Variants in ATG4D observed in about 807,000 individuals in gnomAD.
ATG4D encodes the protein cysteine protease ATG4D.
In ATG4D, 51 loss-of-function variants were observed where a neutral mutation model predicts 55.2. That is an observed-to-expected ratio of 0.92 (90% confidence interval 0.74 to 1.17). ATG4D has a LOEUF of 1.17. Among genes scored for constraint, ATG4D ranks in the 50% most tolerant of loss-of-function variants. The pLI, the probability that ATG4D is intolerant of heterozygous loss-of-function variation, is 0.00. For synonymous variants in ATG4D, 268 were observed against 266.2 expected (o/e 1.01, Z -0.07); for missense variants, 635 against 649.6 (o/e 0.98, Z 0.25).
At chr19:10,546,545 G>T (rs2144685379) in intron 3 of ATG4D, among the ~76,000 whole-genome samples, 1 of 151,528 alleles carries the variant, frequency 6.6e-6, no homozygotes, top group East Asian at 1.9e-4. Flanking sequence ...TCAGAGAAGG[G>T]GTTTCACCAT....
At chr19:10,544,436 C>T (rs531759350) in intron 1 of ATG4D, 111 bp downstream of exon 1, 59 of 1,030,472 alleles carry the variant, frequency 5.7e-5, no homozygotes, top group Non-Finnish European at 6.5e-5. Context: ...ACCTGTGGGT[C>T]CCCTCCCTGC....
intron 1 of ATG4D, 142 bp from the exon 2 acceptor site, chr19:10,544,641 G>T: frequency 6.8e-7 from 1 of 1,465,260 alleles, no homozygotes. Context: ...GTCACTGGGG[G>T]CCCCACCTCC....
chr19:10,547,140 G>A, intron 4 of ATG4D, 25 bp downstream of exon 4: 1 of 1,610,328 alleles, frequency 6.2e-7, no homozygotes, highest in Non-Finnish European at 8.5e-7. Flanking sequence ...AGGGATCACG[G>A]GAGTTGCTGG....
At chr19:10,552,161 G>A (rs750917610) in intron 8 of ATG4D, 40 bp downstream of exon 8, 2 of 1,610,668 alleles carry the variant, frequency 1.2e-6, no homozygotes, top group Non-Finnish European at 1.7e-6. Context: ...GCCATGGCGG[G>A]TGGGCAGCCC....
chr19:10,546,036 A>G (rs1207371708), intron 3 of ATG4D, among the ~76,000 whole-genome samples: 1 of 148,804 alleles, frequency 6.7e-6, no homozygotes, highest in Non-Finnish European at 1.5e-5. Flanking sequence ...TCCAACAATA[A>G]CAGGTCGAGT....
At position 10,544,246 on chromosome 19, in the gene ATG4D, C is replaced by G; in HGVS notation, c.156C>G (p.Pro52=). 1.6e-6 allele frequency: 2 copies of G among 1,261,428 alleles called. No individual in the cohort carries two copies. The highest frequency in any genetic ancestry group is 2.0e-6 in the Non-Finnish European group (2 of 994,948). 78.1% of individuals were successfully genotyped at this position (1,261,428 alleles called of 1,614,324 possible). The change falls in exon 1 of 10, where the codon CCC becomes CCG. Residue 52 remains proline, a synonymous_variant. Transcript: ENST00000309469. The part of the protein sequence containing the change: ...SGASGPALGS[P]GAGPSEPDEV... The stretch of plus-strand genomic sequence containing the variant: ...CCAGCGGCCCCGCTCTTGGCTCTCC[C>G]GGGGCTGGCCCGAGTGAGCCGGACG...
At chr19:10,545,355 T>G (rs888745010) in intron 3 of ATG4D, among the ~76,000 whole-genome samples, 1 of 150,260 alleles carries the variant, frequency 6.7e-6, no homozygotes, top group Non-Finnish European at 1.5e-5. Context: ...ATGGATCCCT[T>G]GCGGTCAGGA....
rs779740902 is a variant in ATG4D at position 10,544,246 on chromosome 19, C to T, written c.156C>T (p.Pro52=). Residue 52 remains proline, a synonymous_variant, in exon 1 of 10, where the codon CCC becomes CCT. Transcript: ENST00000309469. ...CCAGCGGCCCCGCTCTTGGCTCTCC[C>T]GGGGCTGGCCCGAGTGAGCCGGACG... ...SGASGPALGS[P]GAGPSEPDEV... 9.9e-5 allele frequency: 125 copies of T among 1,261,316 alleles called. No homozygotes were observed. The highest frequency in any genetic ancestry group is 1.2e-4 in the Non-Finnish European group (124 of 994,958). The allele number at this position is 1,261,316 out of a possible 1,614,324, so 78.1% of individuals were successfully genotyped here.
chr19:10,544,627 A>G (rs1373203090), intron 1 of ATG4D, 156 bp from the exon 2 acceptor site: 1 of 1,383,962 alleles, frequency 7.2e-7, no homozygotes, highest in Non-Finnish European at 9.6e-7. Context: ...ACACTCCTGT[A>G]GCTGTCACTG....
chr19:10,551,046 T>C (rs1255337997), intron 6 of ATG4D: 1 of 152,214 alleles, frequency 6.6e-6, no homozygotes, highest in Admixed American at 6.6e-5. Context: ...GGTTTTCCAG[T>C]GAGAACCAGA....
chr19:10,552,297 T>C lies in ATG4D; in HGVS notation c.1215T>C (p.Phe405=). 1.9e-6 allele frequency: 3 copies of C among 1,613,164 alleles called. No homozygotes were observed. In the South Asian group the frequency reaches 3.3e-5, roughly 18 times the overall value. The change falls in exon 9 of 10, where the codon TTT becomes TTC. Residue 405 remains phenylalanine (F), a synonymous_variant. Transcript: ENST00000309469. ...TCTATGCTGGAGACAGGAAGGAGTT[T>C]GAGACACTCTGCTCAGAGCTGACCA... ...VGFYAGDRKE[F]ETLCSELTRV... is the part of the protein sequence containing the mutation.
chr19:10,547,270 C>T lies in ATG4D; in HGVS notation c.835+17C>T. The T allele has an allele frequency of 6.2e-7, 1 of 1,609,410 alleles. No homozygotes were observed. Among genetic ancestry groups the T allele is most frequent in the Middle Eastern group, 1.7e-4 (1 of 6,048 alleles). Reference sequence around the variant, plus strand: ...ACTGCACAGGTAAGGGGCTGGGAGCCAAGATCACAGGGGCCCCACCCTGAG... The same window carrying T: ...ACTGCACAGGTAAGGGGCTGGGAGCTAAGATCACAGGGGCCCCACCCTGAG... On this transcript the variant is annotated intron_variant, in intron 5 of 9. Coordinates refer to ENST00000309469, the MANE Select transcript of ATG4D (RefSeq NM_032885.6).
chr19:10,547,189 G>A lies in ATG4D; in HGVS notation c.771G>A (p.Arg257=), dbSNP rs1411642566. 1.5e-5 allele frequency: 25 copies of A among 1,613,828 alleles called. No homozygotes were observed. Among genetic ancestry groups the A allele is most frequent in the Non-Finnish European group, 2.1e-5 (25 of 1,179,932 alleles). Residue 257 remains arginine (R), a splice_region_variant and synonymous_variant, in exon 5 of 10, where the codon AGG becomes AGA. Transcript: ENST00000309469. Reference sequence around the variant, plus strand: ...CTCAGGCCTTCCCTCCTGCCCCCAGGAAAGCCGTGGAGAGCTGCTCCGACG... The same window carrying A: ...CTCAGGCCTTCCCTCCTGCCCCCAGAAAAGCCGTGGAGAGCTGCTCCGACG... ...YGPSLVAHIL[R]KAVESCSDVT...
At chr19:10,547,626 GAAAAAAAAAA>G (rs778363094) in intron 5 of ATG4D, among the ~76,000 whole-genome samples, 2 of 49,260 alleles carry the variant, frequency 4.1e-5, no homozygotes, top group Admixed American at 2.9e-4. Context: ...GGATCCTGTC[GAAAAAAAAAA>G]AAAAAAAAAA....
At chr19:10,551,872 C>T in intron 6 of ATG4D, 25 bp from the exon 7 acceptor site, 1 of 1,612,278 alleles carries the variant, frequency 6.2e-7, no homozygotes, top group South Asian at 1.1e-5. Context: ...TGCCTGACAG[C>T]ACCTGCCTAC....
At chr19:10,552,814 T>C in intron 9 of ATG4D, 71 bp from the exon 10 acceptor site, 2 of 1,485,510 alleles carry the variant, frequency 1.3e-6, no homozygotes, top group South Asian at 2.5e-5. Context: ...AAGCACCTAC[T>C]AAATAAACCT....
In ATG4D at chr19:10,547,210, C is replaced by T. The variant is rs376489893; in HGVS notation, c.792C>T (p.Ser264=). The change falls in exon 5 of 10, where the codon TCC becomes TCT. Residue 264 remains serine (S), a synonymous_variant. Coordinates refer to ENST00000309469, the MANE Select transcript of ATG4D (RefSeq NM_032885.6). ...HILRKAVESC[S]DVTRLVVYVS... Reference sequence around the variant, plus strand: ...CCAGGAAAGCCGTGGAGAGCTGCTCCGACGTCACCCGCCTGGTGGTGTACG... The same window carrying T: ...CCAGGAAAGCCGTGGAGAGCTGCTCTGACGTCACCCGCCTGGTGGTGTACG... The T allele has an allele frequency of 9.3e-6, 15 of 1,613,878 alleles. No individual in the cohort carries two copies. In the East Asian group the frequency reaches 1.6e-4, roughly 17 times the overall value.
rs1479252452 is a variant in ATG4D, at chr19:10,544,787, GGTGGTTAAAAGCCGGACC to G, written c.241_258del (p.Val81_Thr86del). ...GCTGCCCCTACGTCTCCCCAGGTTGGGTGGTTAAAAGCCGGACCAGCTTTAGCAAGATCTCCAGCATCC... is the reference window on the plus strand; with the variant it reads ...GCTGCCCCTACGTCTCCCCAGGTTGGAGCTTTAGCAAGATCTCCAGCATCC... On this transcript the variant is annotated inframe_deletion, in exon 2 of 10. Transcript: ENST00000309469. The G allele has an allele frequency of 4.3e-6, 7 of 1,613,960 alleles. No individual in the cohort carries two copies. In the African/African-American group the frequency reaches 9.3e-5, roughly 22 times the overall value.
intron 6 of ATG4D, among the ~76,000 whole-genome samples, chr19:10,549,281 G>A (rs557513372): frequency 2.3e-4 from 35 of 152,006 alleles, no homozygotes; most frequent in African/African-American, 8.0e-4. Context: ...GCGCCACCAC[G>A]ACCACCTAAT....
Sources: allele counts gnomAD v4.1 joint callset (sites outside exome capture counted in the v4.1 genomes callset), GRCh38; gene constraint gnomAD v4.1.1; transcripts MANE v1.5; gene names NCBI Gene and HGNC (gene_info 2026-07-23, HGNC 2026-07-21).